Variants in ZNF536 observed in about 807,000 individuals in gnomAD.
The protein encoded by ZNF536 is zinc finger protein 536.
In ZNF536, 13 loss-of-function variants were observed where a neutral mutation model predicts 84.5. The observed-to-expected ratio is 0.15, with a 90% CI of 0.10 to 0.24. ZNF536 has a LOEUF of 0.24. Ranked by LOEUF, ZNF536 falls within the 10% of genes least tolerant of loss-of-function variation. The pLI is 1.00. For synonymous variants in ZNF536, 811 were observed against 742.5 expected (o/e 1.09, Z -1.50); for missense variants, 1,536 against 1,747.5 (o/e 0.88, Z 2.16).
downstream of ZNF536, among the ~76,000 whole-genome samples, chr19:30,562,749 G>C (rs143001373): frequency 4.5e-4 from 69 of 151,830 alleles, no homozygotes; most frequent in Non-Finnish European, 2.9e-5. Context: ...CGAGAGATAC[G>C]GGCTCAGGCT....
chr19:30,654,372 C>T (rs1379836379), intron 1 of ZNF536, among the ~76,000 whole-genome samples: 1 of 152,104 alleles, frequency 6.6e-6, no homozygotes, highest in Non-Finnish European at 1.5e-5. Context: ...ACTTGGCCCT[C>T]TTCACTCCTC....
intron 1 of ZNF536, among the ~76,000 whole-genome samples, chr19:30,584,916 C>A (rs1382424743): frequency 6.6e-6 from 1 of 152,014 alleles, no homozygotes; most frequent in African/African-American, 2.4e-5. Flanking sequence ...GGAAACATAG[C>A]CAGACCCCCT....
chr19:30,357,512 G>A (rs35801277), intron 3 of ZNF536, among the ~76,000 whole-genome samples: 40,627 of 151,910 alleles, frequency 0.27, 5,685 homozygotes, highest in Middle Eastern at 0.46. Context: ...TTTCGGGTGC[G>A]GAGATGCTCC....
At chr19:30,462,625 G>A (rs2053192749) in intron 2 of ZNF536, among the ~76,000 whole-genome samples, 1 of 151,886 alleles carries the variant, frequency 6.6e-6, no homozygotes, top group Non-Finnish European at 1.5e-5. Flanking sequence ...GGAAGTGTTA[G>A]GATGTGGCAT....
At chr19:30,420,728 T>C (rs369403186) in intron 1 of ZNF536, among the ~76,000 whole-genome samples, 53 of 152,328 alleles carry the variant, frequency 3.5e-4, no homozygotes, top group African/African-American at 1.3e-3. Context: ...CCCATCTATT[T>C]AGTTGTTCTT....
intron 2 of ZNF536, among the ~76,000 whole-genome samples, chr19:30,317,027 G>C (rs1006493273): frequency 6.6e-6 from 1 of 152,216 alleles, no homozygotes; most frequent in Non-Finnish European, 1.5e-5. Flanking sequence ...GCCTCCCTTT[G>C]CTCCTGATAG....
At chr19:30,299,097 A>G (rs1049246477) in intron 2 of ZNF536, among the ~76,000 whole-genome samples, 2 of 152,232 alleles carry the variant, frequency 1.3e-5, no homozygotes, top group African/African-American at 4.8e-5. Context: ...CCTCTGTGAA[A>G]GAATCATTTG....
At chr19:30,702,250 C>G (rs896696453) in intron 1 of ZNF536, among the ~76,000 whole-genome samples, 1 of 152,252 alleles carries the variant, frequency 6.6e-6, no homozygotes, top group Non-Finnish European at 1.5e-5. Context: ...GACTTGCTTT[C>G]TCCTTACTCC....
intron 1 of ZNF536, among the ~76,000 whole-genome samples, chr19:30,619,326 G>A (rs16964420): frequency 0.33 from 49,588 of 151,906 alleles, 8,655 homozygotes; most frequent in East Asian, 0.48. Flanking sequence ...CTTTTGTGAT[G>A]CTTAGCATTT....
chr19:30,528,699 C>T (rs1318003355), intron 2 of ZNF536, among the ~76,000 whole-genome samples: 4 of 152,024 alleles, frequency 2.6e-5, no homozygotes, highest in Non-Finnish European at 5.9e-5. Context: ...GAGGAGAGGG[C>T]GGAGGAGGTG....
chr19:30,341,070 G>A (rs1207375604), intron 2 of ZNF536, among the ~76,000 whole-genome samples: 4 of 151,836 alleles, frequency 2.6e-5, no homozygotes, highest in Admixed American at 6.5e-5. Flanking sequence ...CACAGCAGCC[G>A]TTCGGCAGTG....
chr19:30,365,572 C>T (rs943688596), intron 3 of ZNF536, among the ~76,000 whole-genome samples: 4 of 152,210 alleles, frequency 2.6e-5, no homozygotes, highest in Non-Finnish European at 4.4e-5. Flanking sequence ...GGCCACGAAG[C>T]CCACGTCTGC....
At chr19:30,330,136 G>A (rs2047162985) in intron 2 of ZNF536, among the ~76,000 whole-genome samples, 1 of 152,170 alleles carries the variant, frequency 6.6e-6, no homozygotes, top group Non-Finnish European at 1.5e-5. Flanking sequence ...ATTTCTTTGA[G>A]TTGGGTTAAT....
intron 1 of ZNF536, among the ~76,000 whole-genome samples, chr19:30,263,599 C>T (rs2025339912): frequency 6.6e-6 from 1 of 152,132 alleles, no homozygotes; most frequent in South Asian, 2.1e-4. Flanking sequence ...ATCTTCTGTG[C>T]GTTTTGGCCT....
rs1226924144 is a variant in ZNF536, at chr19:30,351,154, A to AT, written c.-119-1206dup. On this transcript the variant is annotated intron_variant, in intron 2 of 5. Transcript: ENST00000585628. The stretch of plus-strand genomic sequence containing the variant: ...CCAAGAAAAAGAATAAAACTGGGGC[A>AT]TTTTTTTTATAACCTGTTCCCCACT... Among the ~76,000 whole-genome samples the AT allele has an allele frequency of 3.3e-5, 5 of 152,142 alleles. No individual in the cohort carries two copies. The East Asian group carries it at 7.7e-4, about 23-fold the overall frequency.
chr19:30,466,735 GGGAGGGAAGGAAGAAAGGAGGGAAGGAA>G (rs1310483428), intron 2 of ZNF536, among the ~76,000 whole-genome samples: 5 of 120,584 alleles, frequency 4.1e-5, no homozygotes, highest in Admixed American at 1.9e-4. Flanking sequence ...GAAGGAGGGA[GGGAGGGAAGGAAGAAAGGAGGGAAGGAA>G]GGAAGGAAGG....
intron 1 of ZNF536, among the ~76,000 whole-genome samples, chr19:30,249,894 C>T (rs924670412): frequency 6.6e-6 from 1 of 152,218 alleles, no homozygotes; most frequent in African/African-American, 2.4e-5. Context: ...TTTATGCCCA[C>T]TGTTGAGAAT....
In ZNF536 at chr19:30,298,459, C is replaced by T. The variant is rs563856515; in HGVS notation, c.-120+14318C>T. ...GAACAGGTCTCTTGATGACCATTTGCGTGGGAGTTTCCTAATGCTGGTAGC... is the reference window on the plus strand; with the variant it reads ...GAACAGGTCTCTTGATGACCATTTGTGTGGGAGTTTCCTAATGCTGGTAGC... On this transcript the variant is annotated intron_variant, in intron 2 of 5. Transcript: ENST00000585628. 2.0e-4 allele frequency among the ~76,000 whole-genome samples: 31 copies of T among 152,296 alleles called. No homozygotes were observed. In the South Asian group the frequency reaches 4.1e-3, roughly 20 times the overall value.
At chr19:30,627,894 A>G (rs919189305) in intron 1 of ZNF536, among the ~76,000 whole-genome samples, 5 of 152,276 alleles carry the variant, frequency 3.3e-5, no homozygotes, top group Admixed American at 3.3e-4. Context: ...ATGGCTCAGC[A>G]CCAATATGAC....
Sources: gnomAD v4.1 joint callset for allele counts (sites outside exome capture counted in the v4.1 genomes callset) on GRCh38, gnomAD v4.1.1 for gene constraint, MANE v1.5 for transcripts, NCBI Gene and HGNC (gene_info 2026-07-23, HGNC 2026-07-21) for gene names.